The following NPEPPS variants were observed in gnomAD, a reference collection of about 807,000 sequenced individuals.
NPEPPS encodes puromycin-sensitive aminopeptidase.
Under a neutral mutation model 115.5 loss-of-function variants are expected in NPEPPS, and 14 were observed. The ratio of observed to expected loss-of-function variants is 0.12; its 90% CI spans 0.08 to 0.19. The LOEUF is 0.19. Among genes scored for constraint, NPEPPS ranks in the 10% least tolerant of loss-of-function variants. The probability of loss-of-function intolerance (pLI) is 1.00; values close to 1 mark genes in which losing one functional copy is unlikely to be tolerated. For missense variants in NPEPPS, 523 were observed against 1,110.8 expected (o/e 0.47, Z 7.52); for synonymous variants, 285 against 390.6 (o/e 0.73, Z 3.19).
intron 1 of NPEPPS, among the ~76,000 whole-genome samples, chr17:47,532,976 G>A (rs902522993): frequency 6.6e-6 from 1 of 152,114 alleles, no homozygotes; most frequent in Non-Finnish European, 1.5e-5. Flanking sequence ...GCAGTCTGGG[G>A]TCGGGGGAAA....
In NPEPPS at chr17:47,616,584, T is replaced by C. The variant is rs533359370; in HGVS notation, c.2296-1766T>C. On this transcript the variant is annotated intron_variant, in intron 19 of 22. Transcript: ENST00000322157. ...CTGTAGTCCCAGCTACTCAGGAGGC[T>C]GAGGCAGGAGCATTGCTTGAACCTG... 2.6e-5 allele frequency among the ~76,000 whole-genome samples: 4 copies of C among 151,348 alleles called. No individual in the cohort carries two copies. In the East Asian group the frequency reaches 5.8e-4, roughly 22 times the overall value.
chr17:47,530,609 G>A (rs546779605), upstream of NPEPPS, among the ~76,000 whole-genome samples: 2 of 149,268 alleles, frequency 1.3e-5, no homozygotes, highest in African/African-American at 4.9e-5. Context: ...CGCCCGCCTC[G>A]GCCTCCCGAA....
At chr17:47,595,358 G>A (rs1023356774) in intron 12 of NPEPPS, among the ~76,000 whole-genome samples, 2 of 152,162 alleles carry the variant, frequency 1.3e-5, no homozygotes, top group African/African-American at 4.8e-5. Flanking sequence ...GAACCACTGC[G>A]TCCAGCCTGG....
chr17:47,575,197 A>G (rs1344508299), intron 3 of NPEPPS, among the ~76,000 whole-genome samples: 3 of 152,226 alleles, frequency 2.0e-5, no homozygotes, highest in South Asian at 2.1e-4. Context: ...CCTCAACAGA[A>G]TGAAATGAAA....
At chr17:47,584,213 T>C (rs1275243147) in intron 5 of NPEPPS, among the ~76,000 whole-genome samples, 4 of 127,160 alleles carry the variant, frequency 3.1e-5, no homozygotes, top group East Asian at 4.5e-4. Context: ...AGAGCAAGAC[T>C]CCATCTCGGG....
At chr17:47,570,420 T>G (rs1911124732) in intron 3 of NPEPPS, among the ~76,000 whole-genome samples, 1 of 152,142 alleles carries the variant, frequency 6.6e-6, no homozygotes, top group South Asian at 2.1e-4. Context: ...GGACTCTGTC[T>G]AAAACAAACA....
chr17:47,617,289 G>A (rs1002450911), intron 19 of NPEPPS, among the ~76,000 whole-genome samples: 2 of 152,082 alleles, frequency 1.3e-5, no homozygotes, highest in Non-Finnish European at 2.9e-5. Flanking sequence ...GTGTGAAGAT[G>A]CATAATCCCA....
In NPEPPS at chr17:47,553,567, A is replaced by G. The variant is rs546176477; in HGVS notation, c.340+7574A>G. Among the ~76,000 whole-genome samples, 23 of 152,274 alleles carry G rather than the reference A, an allele frequency of 1.5e-4. 1 individual carries two copies. The highest frequency in any genetic ancestry group is 3.4e-3 in the Middle Eastern group (1 of 294). On this transcript the variant is annotated intron_variant, in intron 2 of 22. Transcript: ENST00000322157. Reference sequence around the variant, plus strand: ...TGGCAGATGTGTTCTAAGACCCCCAATGGTATGCCTGAAACCACAGATAGT... The same window carrying G: ...TGGCAGATGTGTTCTAAGACCCCCAGTGGTATGCCTGAAACCACAGATAGT...
intron 2 of NPEPPS, among the ~76,000 whole-genome samples, chr17:47,553,766 T>C (rs1909809641): frequency 6.6e-6 from 1 of 152,078 alleles, no homozygotes; most frequent in South Asian, 2.1e-4. Context: ...TCTCTTTTTT[T>C]TTTTTTTGAG....
At position 47,622,793 on chromosome 17, in the gene NPEPPS, C is replaced by T; in HGVS notation, c.*873C>T. On this transcript the variant is annotated 3_prime_UTR_variant, in exon 23 of 23. Transcript: ENST00000322157. ...ACAATAGAAATAAAAAGATCTTCAG[C>T]CAGGCCTTTCTGAAGGAGTTATTCT... 1 of 438,130 alleles carries T rather than the reference C, an allele frequency of 2.3e-6. No homozygotes were observed. Among genetic ancestry groups the T allele is most frequent in the South Asian group, 1.7e-5 (1 of 59,958 alleles). The allele number at this position is 438,130 out of a possible 1,614,324, so 27.1% of individuals were successfully genotyped here.
At chr17:47,579,622 T>A in intron 4 of NPEPPS, 111 bp downstream of exon 4, 3 of 992,536 alleles carry the variant, frequency 3.0e-6, no homozygotes, top group Non-Finnish European at 4.4e-6. Flanking sequence ...TTGGCCATGA[T>A]TGTATTCACA....
intron 17 of NPEPPS, 104 bp from the exon 18 acceptor site, chr17:47,612,356 A>C (rs1913923576): frequency 1.7e-6 from 2 of 1,162,892 alleles, no homozygotes; most frequent in Admixed American, 5.1e-5. Flanking sequence ...GTGTTTGTTC[A>C]AGACCATAGA....
chr17:47,595,434 A>G (rs1912803026), intron 12 of NPEPPS, among the ~76,000 whole-genome samples: 1 of 152,238 alleles, frequency 6.6e-6, no homozygotes, highest in South Asian at 2.1e-4. Context: ...ATTGTTTAGT[A>G]GTGATCTTGA....
upstream of NPEPPS, among the ~76,000 whole-genome samples, chr17:47,528,054 C>A (rs1907511283): frequency 6.6e-6 from 1 of 151,886 alleles, no homozygotes; most frequent in Non-Finnish European, 1.5e-5. Context: ...GTAATCTCAG[C>A]CCTTTGGGAG....
chr17:47,570,022 T>C (rs1426265040), intron 3 of NPEPPS, among the ~76,000 whole-genome samples: 3 of 152,224 alleles, frequency 2.0e-5, no homozygotes, highest in Non-Finnish European at 4.4e-5. Flanking sequence ...CTCCTGTCAC[T>C]CTATATTCTC....
intron 15 of NPEPPS, chr17:47,601,973 GAAAAA>G: frequency 2.9e-6 from 1 of 343,696 alleles, no homozygotes; most frequent in Admixed American, 4.9e-5. Context: ...AGGAGGAGAA[GAAAAA>G]AAAAAAAGTA....
intron 1 of NPEPPS, among the ~76,000 whole-genome samples, chr17:47,536,191 A>G (rs572198604): frequency 1.4e-3 from 212 of 152,126 alleles, no homozygotes; most frequent in Admixed American, 2.2e-3. Context: ...TTTATCATTC[A>G]AGGCCAGAAA....
At chr17:47,618,031 G>T (rs980955601) in intron 19 of NPEPPS, among the ~76,000 whole-genome samples, 1 of 150,750 alleles carries the variant, frequency 6.6e-6, no homozygotes, top group Non-Finnish European at 1.5e-5. Flanking sequence ...GCACCACCAC[G>T]CCCGGCTAAT....
intron 1 of NPEPPS, among the ~76,000 whole-genome samples, chr17:47,543,248 G>A (rs112992096): frequency 6.6e-6 from 1 of 151,456 alleles, no homozygotes; most frequent in Admixed American, 6.6e-5. Context: ...GAAAAGATGC[G>A]TAGTAACCAA....
Sources: gnomAD v4.1 joint callset for allele counts (sites outside exome capture counted in the v4.1 genomes callset) on GRCh38, gnomAD v4.1.1 for gene constraint, MANE v1.5 for transcripts, NCBI Gene and HGNC (gene_info 2026-07-23, HGNC 2026-07-21) for gene names.